Variants in BARD1 observed in about 807,000 individuals in gnomAD.
BARD1 encodes BRCA1-associated RING domain protein 1.
In BARD1, 73 loss-of-function variants were observed where a neutral mutation model predicts 77.0. The observed-to-expected ratio is 0.95, with a 90% CI of 0.79 to 1.15. The LOEUF is 1.15. BARD1 is among the 50% of genes most tolerant of loss of function. BARD1 has a pLI of 0.00. For synonymous variants in BARD1, 384 were observed against 338.0 expected (o/e 1.14, Z -1.49); for missense variants, 993 against 938.8 (o/e 1.06, Z -0.75).
chr2:214,792,933 T>C (rs551586155), intron 2 of BARD1, among the ~76,000 whole-genome samples: 4 of 152,322 alleles, frequency 2.6e-5, no homozygotes, highest in Admixed American at 2.6e-4. Flanking sequence ...TAGACTCAAT[T>C]ACCTGGGTTA....
intron 1 of BARD1, among the ~76,000 whole-genome samples, chr2:214,797,567 A>C (rs982416202): frequency 6.6e-6 from 1 of 152,192 alleles, no homozygotes; most frequent in African/African-American, 2.4e-5. Flanking sequence ...GAGAGTGAAG[A>C]GGAGTGATAA....
At chr2:214,795,545 A>G (rs949357482) in intron 2 of BARD1, among the ~76,000 whole-genome samples, 2 of 152,186 alleles carry the variant, frequency 1.3e-5, no homozygotes, top group African/African-American at 4.8e-5. Context: ...AAGAATGTAG[A>G]AAATGAGGAA....
At chr2:214,802,076 T>C (rs1327455366) in intron 1 of BARD1, among the ~76,000 whole-genome samples, 2 of 152,134 alleles carry the variant, frequency 1.3e-5, no homozygotes, top group African/African-American at 2.4e-5. Context: ...GAAAACTAAA[T>C]ATTTTGTACA....
At chr2:214,747,986 TAA>T (rs1359289373) in intron 7 of BARD1, among the ~76,000 whole-genome samples, 1 of 152,090 alleles carries the variant, frequency 6.6e-6, no homozygotes, top group Non-Finnish European at 1.5e-5. Context: ...CAAAAATTCT[TAA>T]GTTACACAAA....
rs1278959534 is a variant in BARD1 at position 214,780,844 on chromosome 2, T to C, written c.1030A>G (p.Ser344Gly). Residue 344 changes from serine (S) to glycine (G), a missense_variant, in exon 4 of 11, where the codon AGT (serine) becomes GGT (glycine). Coordinates refer to ENST00000260947, the MANE Select transcript of BARD1 (RefSeq NM_000465.4). ...ACCGTTTGCTTAACAAAATCTCCAC[T>C]GGTGCTCAGAATGCTGGTTCTACAT... is the stretch of plus-strand genomic sequence containing the variant. ...KRCRTSILST[S>G]GDFVKQTVPS... 4 of 1,614,146 alleles carry C rather than the reference T, an allele frequency of 2.5e-6. No homozygotes were observed. The South Asian group carries it at 3.3e-5, about 13-fold the overall frequency.
intron 6 of BARD1, among the ~76,000 whole-genome samples, chr2:214,764,770 A>T (rs6735325): frequency 0.43 from 65,855 of 152,058 alleles, 14,345 homozygotes; most frequent in South Asian, 0.5. Flanking sequence ...AAAGAAAAGT[A>T]ACCTGAAAAG....
intron 3 of BARD1, among the ~76,000 whole-genome samples, chr2:214,783,281 G>C (rs1695125007): frequency 6.6e-6 from 1 of 152,094 alleles, no homozygotes; most frequent in Non-Finnish European, 1.5e-5. Context: ...TAAGTTTAAG[G>C]AATTAAAGGA....
At chr2:214,785,904 T>C (rs888822236) in intron 3 of BARD1, among the ~76,000 whole-genome samples, 5 of 151,946 alleles carry the variant, frequency 3.3e-5, no homozygotes, top group African/African-American at 1.2e-4. Flanking sequence ...TGTTTTGTTA[T>C]TCCTATTTTA....
chr2:214,755,677 C>G (rs1693662656), intron 6 of BARD1, among the ~76,000 whole-genome samples: 1 of 151,982 alleles, frequency 6.6e-6, no homozygotes, highest in African/African-American at 2.4e-5. Flanking sequence ...ATGGATGCAA[C>G]TGATGGAAGA....
intron 5 of BARD1, 87 bp downstream of exon 5, chr2:214,769,145 A>G: frequency 9.2e-7 from 1 of 1,081,568 alleles, no homozygotes; most frequent in South Asian, 1.3e-5. Context: ...TATATGTGGC[A>G]GAGGATGATA....
intron 2 of BARD1, among the ~76,000 whole-genome samples, chr2:214,795,339 A>C (rs886819445): frequency 1.3e-5 from 2 of 152,164 alleles, no homozygotes; most frequent in Non-Finnish European, 2.9e-5. Flanking sequence ...TGAATGAGCT[A>C]AAAGGAGAAG....
intron 1 of BARD1, among the ~76,000 whole-genome samples, chr2:214,800,819 T>C (rs966276983): frequency 1.3e-5 from 2 of 152,186 alleles, no homozygotes; most frequent in African/African-American, 4.8e-5. Context: ...TAATAAGAGA[T>C]GCTACAGAAC....
intron 3 of BARD1, among the ~76,000 whole-genome samples, chr2:214,791,181 G>A (rs981250906): frequency 6.6e-6 from 1 of 152,130 alleles, no homozygotes; most frequent in Admixed American, 6.6e-5. Flanking sequence ...AAAGAATGGA[G>A]TTGAATACAA....
intron 6 of BARD1, among the ~76,000 whole-genome samples, chr2:214,755,541 C>T (rs1693654921): frequency 6.6e-6 from 1 of 152,084 alleles, no homozygotes; most frequent in Non-Finnish European, 1.5e-5. Flanking sequence ...AAAGTATAAA[C>T]CCAAACAAGT....
chr2:214,780,746 T>C lies in BARD1; in HGVS notation c.1128A>G (p.Ser376=), dbSNP rs1370139675. 6.2e-7 allele frequency: 1 copy of C among 1,614,098 alleles called. No homozygotes were observed. Among genetic ancestry groups the C allele is most frequent in the Admixed American group, 1.7e-5 (1 of 60,002 alleles). ...PSCKRKVGGT[S]GRKNSNMSDE... ...CGGACATGTTACTGTTTTTCCTCCCTGATGTACCACCAACTTTACGTTTGC... is the reference window on the plus strand; with the variant it reads ...CGGACATGTTACTGTTTTTCCTCCCCGATGTACCACCAACTTTACGTTTGC... The change falls in exon 4 of 11, where the codon TCA becomes TCG. Residue 376 remains serine (S), a synonymous_variant. Transcript: ENST00000260947.
At chr2:214,783,956 T>A (rs1475124620) in intron 3 of BARD1, among the ~76,000 whole-genome samples, 1 of 152,194 alleles carries the variant, frequency 6.6e-6, no homozygotes, top group Non-Finnish European at 1.5e-5. Context: ...GACATGGGCA[T>A]GGGCAAAGAC....
chr2:214,788,070 T>TA (rs1254916414), intron 3 of BARD1, among the ~76,000 whole-genome samples: 1 of 151,912 alleles, frequency 6.6e-6, no homozygotes, highest in Non-Finnish European at 1.5e-5. Flanking sequence ...TCCTCTATTA[T>TA]AAAAAAGTCA....
At chr2:214,786,131 A>C (rs1485589039) in intron 3 of BARD1, among the ~76,000 whole-genome samples, 5 of 151,960 alleles carry the variant, frequency 3.3e-5, no homozygotes, top group Non-Finnish European at 7.4e-5. Context: ...CTTATTCCTA[A>C]GGGATATAAC....
intron 2 of BARD1, among the ~76,000 whole-genome samples, chr2:214,792,864 G>A (rs1695594815): frequency 6.6e-6 from 1 of 152,124 alleles, no homozygotes. Context: ...AGTATCTCAA[G>A]GCTTTAAAGT....
Sources: allele counts gnomAD v4.1 joint callset (sites outside exome capture counted in the v4.1 genomes callset), GRCh38; gene constraint gnomAD v4.1.1; transcripts MANE v1.5; gene names NCBI Gene and HGNC (gene_info 2026-07-23, HGNC 2026-07-21).